Variants in DGKB observed in about 807,000 individuals in gnomAD.
DGKB encodes the protein 90 kDa diacylglycerol kinase.
DGKB carries 67 observed loss-of-function variants against 114.3 expected under a neutral mutation model. That is an observed-to-expected ratio of 0.59 (90% CI 0.48 to 0.72). The LOEUF (loss-of-function observed/expected upper bound fraction) is 0.72, where lower values mean the gene tolerates loss of function less well. Ranked by LOEUF, DGKB falls within the 30% of genes least tolerant of loss-of-function variation. The pLI is 0.00. For synonymous variants in DGKB, 398 were observed against 323.1 expected (o/e 1.23, Z -2.49); for missense variants, 907 against 975.2 (o/e 0.93, Z 0.93).
At chr7:14,512,163 GT>G (rs1788075068) in intron 20 of DGKB, among the ~76,000 whole-genome samples, 1 of 152,196 alleles carries the variant, frequency 6.6e-6, no homozygotes, top group African/African-American at 2.4e-5. Flanking sequence ...AAAGCACAGT[GT>G]CTGTAAAGTG....
At chr7:14,731,365 T>A (rs1586059167) in intron 5 of DGKB, among the ~76,000 whole-genome samples, 1 of 152,200 alleles carries the variant, frequency 6.6e-6, no homozygotes, top group Non-Finnish European at 1.5e-5. Flanking sequence ...AGGTACGTTA[T>A]GTCTGACAGT....
At chr7:14,889,741 A>C (rs1780889367) in intron 1 of DGKB, among the ~76,000 whole-genome samples, 1 of 151,636 alleles carries the variant, frequency 6.6e-6, no homozygotes. Context: ...CCTAAAATAA[A>C]GACATAAAAT....
chr7:14,476,713 A>G (rs2128901679), intron 21 of DGKB, among the ~76,000 whole-genome samples: 1 of 151,938 alleles, frequency 6.6e-6, no homozygotes, highest in South Asian at 2.1e-4. Context: ...TCAAGGAAAT[A>G]CCCAACATAG....
At chr7:14,211,027 A>T (rs10266478) in intron 23 of DGKB, among the ~76,000 whole-genome samples, 1 of 151,856 alleles carries the variant, frequency 6.6e-6, no homozygotes, top group African/African-American at 2.4e-5. Flanking sequence ...TACAGCTATC[A>T]CCTTCCCCAG....
At chr7:14,531,997 C>G (rs1443923780) in intron 20 of DGKB, among the ~76,000 whole-genome samples, 1 of 151,026 alleles carries the variant, frequency 6.6e-6, no homozygotes, top group Non-Finnish European at 1.5e-5. Flanking sequence ...TTAGGCCTTC[C>G]CTTTAAACCA....
At chr7:14,362,191 T>TA (rs1815882158) in intron 21 of DGKB, among the ~76,000 whole-genome samples, 1 of 152,024 alleles carries the variant, frequency 6.6e-6, no homozygotes, top group South Asian at 2.1e-4. Flanking sequence ...CAAATGTTCA[T>TA]AAAATAAATC....
intron 13 of DGKB, among the ~76,000 whole-genome samples, chr7:14,661,976 A>G (rs574714881): frequency 1.3e-5 from 2 of 152,108 alleles, no homozygotes; most frequent in East Asian, 1.9e-4. Flanking sequence ...AACACCGCAT[A>G]TTCTCACTCA....
chr7:14,438,770 C>G (rs1200973562), intron 21 of DGKB, among the ~76,000 whole-genome samples: 1 of 152,076 alleles, frequency 6.6e-6, no homozygotes, highest in Admixed American at 6.6e-5. Flanking sequence ...TTCAATCCAA[C>G]AATACATTTC....
At chr7:14,831,620 G>A (rs2128123196) in intron 2 of DGKB, among the ~76,000 whole-genome samples, 1 of 152,062 alleles carries the variant, frequency 6.6e-6, no homozygotes, top group South Asian at 2.1e-4. Flanking sequence ...AAAACATGAG[G>A]TACATGCTGT....
chr7:14,922,138 G>GAA (rs11394044), intron 1 of DGKB, among the ~76,000 whole-genome samples: 1 of 151,594 alleles, frequency 6.6e-6, no homozygotes, highest in Admixed American at 6.6e-5. Flanking sequence ...TATTGATGTA[G>GAA]AAAAAAAATG....
intron 6 of DGKB, among the ~76,000 whole-genome samples, chr7:14,706,037 C>G (rs1306535462): frequency 1.3e-5 from 2 of 150,578 alleles, no homozygotes; most frequent in South Asian, 2.1e-4. Flanking sequence ...GATAAAGAGT[C>G]AAGACCCATC....
intron 17 of DGKB, among the ~76,000 whole-genome samples, chr7:14,584,348 T>C (rs1286090652): frequency 1.3e-5 from 2 of 152,202 alleles, no homozygotes; most frequent in Non-Finnish European, 2.9e-5. Flanking sequence ...AATGTGCGCA[T>C]GTGTTTTGAA....
rs375120354 is a variant in DGKB at position 14,694,198 on chromosome 7, G to C, written c.592-4C>G. On this transcript the variant is annotated splice_region_variant and splice_polypyrimidine_tract_variant and intron_variant, in intron 8 of 25. Coordinates refer to ENST00000402815, the MANE Select transcript of DGKB (RefSeq NM_001350709.2). The stretch of plus-strand genomic sequence containing the variant: ...CTTCCATCATTTCATGGAGGATCTG[G>C]AGTAGAGGAGATAAGGGAAAATTGG... 21 of 1,559,536 alleles carry C rather than the reference G, an allele frequency of 1.3e-5. No individual in the cohort carries two copies. The highest frequency in any genetic ancestry group is 9.5e-5 in the African/African-American group (7 of 73,766).
intron 13 of DGKB, among the ~76,000 whole-genome samples, chr7:14,667,714 CAGCT>C (rs1334838937): frequency 6.6e-6 from 1 of 152,152 alleles, no homozygotes; most frequent in Non-Finnish European, 1.5e-5. Context: ...CAGAGCCTAT[CAGCT>C]GGAGCTGATT....
intron 9 of DGKB, among the ~76,000 whole-genome samples, chr7:14,692,093 C>T (rs1822973009): frequency 6.6e-6 from 1 of 151,754 alleles, no homozygotes; most frequent in East Asian, 1.9e-4. Flanking sequence ...TTTGTGGACT[C>T]TATTACCTGT....
intron 7 of DGKB, among the ~76,000 whole-genome samples, chr7:14,700,212 ATTTT>A (rs3071277): frequency 1.5e-5 from 2 of 131,206 alleles, no homozygotes; most frequent in African/African-American, 5.5e-5. Context: ...TTGAAAAAAA[ATTTT>A]TTTTTTTTTT....
chr7:14,172,132 AAAG>A (rs1781091196), intron 25 of DGKB, among the ~76,000 whole-genome samples: 2 of 152,204 alleles, frequency 1.3e-5, no homozygotes, highest in African/African-American at 2.4e-5. Context: ...TTACCAAACT[AAAG>A]AAGAGGAAAA....
intron 15 of DGKB, among the ~76,000 whole-genome samples, chr7:14,618,453 C>A (rs560102361): frequency 3.3e-5 from 5 of 151,700 alleles, no homozygotes; most frequent in African/African-American, 1.2e-4. Context: ...TATTTAGGAA[C>A]AAGGTAACTT....
At chr7:14,513,525 T>C (rs929408124) in intron 20 of DGKB, among the ~76,000 whole-genome samples, 5 of 152,046 alleles carry the variant, frequency 3.3e-5, no homozygotes, top group African/African-American at 1.2e-4. Context: ...CAATTAGCAC[T>C]CAGATAATTA....
Sources: allele counts gnomAD v4.1 joint callset (sites outside exome capture counted in the v4.1 genomes callset), GRCh38; gene constraint gnomAD v4.1.1; transcripts MANE v1.5; gene names NCBI Gene and HGNC (gene_info 2026-07-23, HGNC 2026-07-21).